Variants in CFAP20 observed in about 807,000 individuals in gnomAD.
CFAP20 encodes the protein cilia- and flagella-associated protein 20.
A neutral mutation model predicts 25.5 loss-of-function variants in CFAP20; 14 were observed. The observed-to-expected ratio is 0.55, with a 90% CI of 0.36 to 0.86. CFAP20 has a LOEUF of 0.86. Among genes scored for constraint, CFAP20 ranks in the 40% least tolerant of loss-of-function variants. CFAP20 has a pLI of 0.01. For synonymous variants in CFAP20, 75 were observed against 91.1 expected (o/e 0.82, Z 1.01); for missense variants, 181 against 248.0 (o/e 0.73, Z 1.81).
Position 58,113,687 on chromosome 16 carries a change from A to G in CFAP20, c.*338T>C, listed in dbSNP as rs936037554. 3.6e-6 allele frequency: 1 copy of G among 279,390 alleles called. No homozygotes were observed. Among genetic ancestry groups the G allele is most frequent in the Middle Eastern group, 1.1e-3 (1 of 902 alleles). 17.3% of individuals were successfully genotyped at this position (279,390 alleles called of 1,614,324 possible). A position where few individuals can be genotyped will look rare whatever the true frequency, so the allele number is the denominator to read the frequency against. On this transcript the variant is annotated 3_prime_UTR_variant, in exon 6 of 6. Transcript: ENST00000262498. ...TAGATAATATATAAAACATAGAATA[A>G]ACCGCAGGAAGAAATATTGGTCTGG... is the stretch of plus-strand genomic sequence containing the variant.
rs752303043 is a variant in CFAP20, at chr16:58,113,978, AAAG to A, written c.*44_*46del. On this transcript the variant is annotated 3_prime_UTR_variant, in exon 6 of 6. Coordinates refer to ENST00000262498, the MANE Select transcript of CFAP20 (RefSeq NM_013242.3). ...CGTCCTCCACATAGTTTCCTTTTAAAAAGAAGAGTCACATCCAGGGGTCTATCC... is the reference window on the plus strand; with the variant it reads ...CGTCCTCCACATAGTTTCCTTTTAAAAAGAGTCACATCCAGGGGTCTATCC... 3.1e-6 allele frequency: 5 copies of A among 1,596,624 alleles called. No individual in the cohort carries two copies. The South Asian group carries it at 4.4e-5, about 14-fold the overall frequency.
At chr16:58,115,592 C>T in intron 3 of CFAP20, 135 bp from the exon 4 acceptor site, 2 of 1,052,176 alleles carry the variant, frequency 1.9e-6, no homozygotes, top group Non-Finnish European at 1.4e-6. Flanking sequence ...ACAGACCAGA[C>T]ACAGGTCATA....
intron 2 of CFAP20, 116 bp from the exon 3 acceptor site, chr16:58,116,268 G>C: frequency 1.5e-6 from 1 of 685,138 alleles, no homozygotes; most frequent in Admixed American, 2.8e-5. Context: ...AAAAGATTCA[G>C]ACACGCCACC....
chr16:58,126,041 A>G (rs926948147), intron 1 of CFAP20, among the ~76,000 whole-genome samples: 9 of 152,222 alleles, frequency 5.9e-5, no homozygotes, highest in African/African-American at 2.2e-4. Flanking sequence ...GAATCTTCAT[A>G]ACCGTGAGAA....
intron 1 of CFAP20, among the ~76,000 whole-genome samples, chr16:58,119,969 C>T (rs1960512078): frequency 6.7e-6 from 1 of 148,264 alleles, no homozygotes; most frequent in African/African-American, 2.5e-5. Flanking sequence ...TCTACTGTTC[C>T]CAACCTAAGT....
At chr16:58,120,696 AGT>A (rs1237760080) in intron 1 of CFAP20, among the ~76,000 whole-genome samples, 1 of 152,226 alleles carries the variant, frequency 6.6e-6, no homozygotes, top group East Asian at 1.9e-4. Flanking sequence ...TTTTTCTCCC[AGT>A]GTTACTAGAT....
At chr16:58,118,520 A>C (rs1202111994) in intron 1 of CFAP20, among the ~76,000 whole-genome samples, 5 of 148,902 alleles carry the variant, frequency 3.4e-5, no homozygotes, top group South Asian at 2.1e-4. Flanking sequence ...ACGAAAAAAA[A>C]AAAACAAAAC....
Position 58,114,901 on chromosome 16 carries a change from A to G in CFAP20, c.485T>C (p.Ile162Thr), listed in dbSNP as rs767046428. The G allele has an allele frequency of 2.5e-6, 4 of 1,613,944 alleles. No individual in the cohort carries two copies. The highest frequency in any genetic ancestry group is 3.4e-6 in the Non-Finnish European group (4 of 1,179,824). ...TCTGTCTGAGAAGTAAACCCGTCGG[A>G]TGCGACAATTTGCATGGATCTGTCA... ...LRVQIHANCR[I>T]RRVYFSDRLY... The change falls in exon 5 of 6, where the codon ATC (isoleucine) becomes ACC (threonine). Residue 162 changes from isoleucine (I) to threonine (T), a missense_variant. Transcript: ENST00000262498.
At chr16:58,126,616 T>C (rs537400765) in intron 1 of CFAP20, among the ~76,000 whole-genome samples, 1 of 152,260 alleles carries the variant, frequency 6.6e-6, no homozygotes, top group African/African-American at 2.4e-5. Flanking sequence ...GTCAAGGTCA[T>C]GTCTAGCTAA....
intron 4 of CFAP20, 162 bp from the exon 5 acceptor site, chr16:58,115,082 G>A (rs978230205): frequency 1.7e-5 from 17 of 978,060 alleles, no homozygotes; most frequent in Non-Finnish European, 3.1e-6. Context: ...CTTACTTGCT[G>A]TATTCACCTC....
chr16:58,115,171 A>C lies in CFAP20; in HGVS notation c.465+98T>G, dbSNP rs923786841. ...CCTGGACAGTGTGGCAACTGAAGCCAGAAACCCACACTGTTCTGCTATGTG... is the reference window on the plus strand; with the variant it reads ...CCTGGACAGTGTGGCAACTGAAGCCCGAAACCCACACTGTTCTGCTATGTG... On this transcript the variant is annotated intron_variant, in intron 4 of 5. Transcript: ENST00000262498. 6.6e-6 allele frequency: 10 copies of C among 1,513,264 alleles called. No homozygotes were observed. In the African/African-American group the frequency reaches 1.4e-4, roughly 21 times the overall value. The allele number at this position is 1,513,264 out of a possible 1,614,324, so 93.7% of individuals were successfully genotyped here.
At chr16:58,127,384 C>T (rs1275541980) in intron 1 of CFAP20, among the ~76,000 whole-genome samples, 8 of 152,162 alleles carry the variant, frequency 5.3e-5, no homozygotes, top group Non-Finnish European at 1.0e-4. Flanking sequence ...AGGTCAAGTC[C>T]CATTCTCGAT....
chr16:58,116,877 A>G lies in CFAP20; in HGVS notation c.159T>C (p.Asn53=), dbSNP rs1213971710. The change falls in exon 2 of 6, where the codon AAT becomes AAC. Residue 53 remains asparagine, a synonymous_variant. Transcript: ENST00000262498. ...GAACAGAGGTGGCAACCTACCTTAC[A>G]TTTGTCCCTTCAATCTCTAGCACCA... The part of the protein sequence containing the change: ...QSLVLEIEGT[N]VSTTYITCPA... 3.7e-6 allele frequency: 6 copies of G among 1,613,894 alleles called. No homozygotes were observed. The highest frequency in any genetic ancestry group is 4.2e-6 in the Non-Finnish European group (5 of 1,179,826).
Position 58,113,776 on chromosome 16 carries a change from G to C in CFAP20, c.*249C>G, listed in dbSNP as rs1306750603. On this transcript the variant is annotated 3_prime_UTR_variant, in exon 6 of 6. Coordinates refer to ENST00000262498, the MANE Select transcript of CFAP20 (RefSeq NM_013242.3). ...GTAAAGGTATCTCCCCCCACACTGG[G>C]GCAGGCGGCGGAATAAGCTCCAGCG... 11 of 504,356 alleles carry C rather than the reference G, an allele frequency of 2.2e-5. No homozygotes were observed. The highest frequency in any genetic ancestry group is 6.6e-5 in the Admixed American group (2 of 30,500). The allele number at this position is 504,356 out of a possible 1,614,324, so 31.2% of individuals were successfully genotyped here. A position where few individuals can be genotyped will look rare whatever the true frequency, so the allele number is the denominator to read the frequency against.
intron 1 of CFAP20, among the ~76,000 whole-genome samples, 194 bp downstream of exon 1, chr16:58,128,838 C>CA (rs1960663041): frequency 2.1e-5 from 3 of 145,726 alleles, no homozygotes; most frequent in African/African-American, 7.6e-5. Context: ...CACCGCCCCC[C>CA]CCCCACCTCC....
rs146154351 is a variant in CFAP20 at position 58,118,775 on chromosome 16, T to C, written c.85-1824A>G. 3.1e-3 allele frequency among the ~76,000 whole-genome samples: 470 copies of C among 152,236 alleles called. 14 individuals carry two copies. In the East Asian group the frequency reaches 0.077, roughly 25 times the overall value. Reference sequence around the variant, plus strand: ...AGGTCGAGGCTGCAGTGAGCCGTGATTGTGCCACTGTACTCAAGCCTGGGC... The same window carrying C: ...AGGTCGAGGCTGCAGTGAGCCGTGACTGTGCCACTGTACTCAAGCCTGGGC... On this transcript the variant is annotated intron_variant, in intron 1 of 5. Transcript: ENST00000262498.
At chr16:58,117,726 C>T (rs1022517907) in intron 1 of CFAP20, among the ~76,000 whole-genome samples, 5 of 152,228 alleles carry the variant, frequency 3.3e-5, no homozygotes, top group South Asian at 2.1e-4. Flanking sequence ...GGCCACTGCG[C>T]CCGTCCTGCC....
Position 58,116,036 on chromosome 16 carries a change from C to T in CFAP20, c.276+5G>A. The T allele has an allele frequency of 6.3e-7, 1 of 1,583,418 alleles. No homozygotes were observed. Among genetic ancestry groups the T allele is most frequent in the Non-Finnish European group, 8.7e-7 (1 of 1,152,338 alleles). On this transcript the variant is annotated splice_donor_5th_base_variant and intron_variant, in intron 3 of 5. Transcript: ENST00000262498. ...GAGTGGACACATTCATGTACACATACTTACCTGCACTTCGAAGGTAAAATA... is the reference window on the plus strand; with the variant it reads ...GAGTGGACACATTCATGTACACATATTTACCTGCACTTCGAAGGTAAAATA...
chr16:58,123,279 G>A (rs1960561602), intron 1 of CFAP20, among the ~76,000 whole-genome samples: 1 of 137,762 alleles, frequency 7.3e-6, no homozygotes, highest in Admixed American at 7.1e-5. Context: ...GAGCCACTGC[G>A]CCCAGCCAGG....
Sources: gnomAD v4.1 joint callset for allele counts (sites outside exome capture counted in the v4.1 genomes callset) on GRCh38, gnomAD v4.1.1 for gene constraint, MANE v1.5 for transcripts, NCBI Gene and HGNC (gene_info 2026-07-23, HGNC 2026-07-21) for gene names.